Variants in PCDHA8 observed in about 807,000 individuals in gnomAD.
PCDHA8 encodes protocadherin alpha-8.
A neutral mutation model predicts 61.8 loss-of-function variants in PCDHA8; 53 were observed. The observed-to-expected ratio is 0.86, with a 90% CI of 0.69 to 1.08. PCDHA8 has a LOEUF of 1.08. Ranked by LOEUF, PCDHA8 falls within the 50% of genes least tolerant of loss-of-function variation. The probability of loss-of-function intolerance (pLI) is 0.00; values close to 1 mark genes in which losing one functional copy is unlikely to be tolerated. For synonymous variants in PCDHA8, 618 were observed against 556.6 expected (o/e 1.11, Z -1.55); for missense variants, 1,293 against 1,245.0 (o/e 1.04, Z -0.58).
intron 1 of PCDHA8, chr5:140,854,190 A>T: frequency 1.5e-6 from 1 of 648,854 alleles, no homozygotes; most frequent in Non-Finnish European, 1.9e-6. Flanking sequence ...TAGTTTAACT[A>T]CTCCCTACTT....
At chr5:140,884,509 T>C (rs781917095) in intron 1 of PCDHA8, 3 of 1,612,704 alleles carry the variant, frequency 1.9e-6, no homozygotes, top group Non-Finnish European at 1.7e-6. Flanking sequence ...CGGCAGGGAG[T>C]TGGTCGTACT....
intron 3 of PCDHA8, among the ~76,000 whole-genome samples, chr5:140,984,059 C>A (rs1269975627): frequency 6.6e-6 from 1 of 152,108 alleles, no homozygotes; most frequent in East Asian, 1.9e-4. Flanking sequence ...CAAATCTGTA[C>A]CCTCAGTGCC....
At position 140,849,753 on chromosome 5, in the gene PCDHA8, G is replaced by A. The variant is rs1294538786; in HGVS notation, c.2394+6038G>A. 17 of 1,598,282 alleles carry A rather than the reference G, an allele frequency of 1.1e-5. 1 individual carries two copies. Among genetic ancestry groups the A allele is most frequent in the Non-Finnish European group, 1.4e-5 (16 of 1,167,970 alleles). ...AGCTCTGGACCGCGAGAGTGTGTCC[G>A]CCTACGAGCTGGTGGTTACCGCGCG... On this transcript the variant is annotated intron_variant, in intron 1 of 3. Coordinates refer to ENST00000531613, the MANE Select transcript of PCDHA8 (RefSeq NM_018911.3).
intron 1 of PCDHA8, among the ~76,000 whole-genome samples, chr5:140,914,884 CCTG>C (rs2153531970): frequency 6.6e-6 from 1 of 151,782 alleles, no homozygotes; most frequent in East Asian, 1.9e-4. Flanking sequence ...ACTGTATCCT[CCTG>C]CTTTTAACTT....
chr5:140,980,275 C>G (rs1288435032), intron 2 of PCDHA8, among the ~76,000 whole-genome samples: 1 of 152,196 alleles, frequency 6.6e-6, no homozygotes. Flanking sequence ...AGTACCAACT[C>G]TTGAAAAGTA....
intron 1 of PCDHA8, among the ~76,000 whole-genome samples, chr5:140,910,320 A>G (rs1362740704): frequency 1.3e-5 from 2 of 152,212 alleles, no homozygotes; most frequent in African/African-American, 4.8e-5. Flanking sequence ...CATGAGTCAG[A>G]CTATTGTGAT....
At chr5:140,857,208 C>G (rs1554149670) in intron 1 of PCDHA8, 4 of 1,598,578 alleles carry the variant, frequency 2.5e-6, no homozygotes, top group Non-Finnish European at 3.4e-6. Flanking sequence ...GTCACCTGCT[C>G]TCTGACGCCT....
chr5:140,851,937 T>A, intron 1 of PCDHA8: 1 of 965,138 alleles, frequency 1.0e-6, no homozygotes, highest in Non-Finnish European at 1.3e-6. Context: ...TGAATTGTAG[T>A]ATGTGACTTT....
At chr5:140,973,628 T>G (rs1005772685) in intron 1 of PCDHA8, among the ~76,000 whole-genome samples, 13 of 152,250 alleles carry the variant, frequency 8.5e-5, no homozygotes, top group Admixed American at 2.6e-4. Context: ...TTCTGTATCT[T>G]GTACACATTC....
Position 140,856,641 on chromosome 5 carries a change from T to G in PCDHA8, c.2394+12926T>G, listed in dbSNP as rs1554148950. On this transcript the variant is annotated intron_variant, in intron 1 of 3. Coordinates refer to ENST00000531613, the MANE Select transcript of PCDHA8 (RefSeq NM_018911.3). ...TTCCCAGTGCTTGTTCTGCGGAAGC[T>G]GCTGGATCGTGAAGAAAATCCTCAG... 4.4e-6 allele frequency: 7 copies of G among 1,598,334 alleles called. 1 individual carries two copies. The highest frequency in any genetic ancestry group is 5.1e-6 in the Non-Finnish European group (6 of 1,167,764).
intron 1 of PCDHA8, chr5:140,870,821 G>T: frequency 1.9e-6 from 3 of 1,613,736 alleles, no homozygotes; most frequent in South Asian, 1.1e-5. Context: ...GGCAGCGCGG[G>T]AGGCGCAGTT....
chr5:140,993,449 C>T (rs2097557237), intron 3 of PCDHA8, among the ~76,000 whole-genome samples: 1 of 144,318 alleles, frequency 6.9e-6, no homozygotes, highest in Non-Finnish European at 1.5e-5. Context: ...TTCCTGTTCT[C>T]CTTCTTTCTT....
intron 1 of PCDHA8, among the ~76,000 whole-genome samples, chr5:140,886,602 C>T (rs1167539535): frequency 6.6e-6 from 1 of 151,756 alleles, no homozygotes; most frequent in Non-Finnish European, 1.5e-5. Flanking sequence ...CCAAGGTGGG[C>T]GGATCAGGAG....
intron 1 of PCDHA8, chr5:140,968,106 C>A: frequency 6.2e-7 from 1 of 1,614,134 alleles, no homozygotes; most frequent in Non-Finnish European, 8.5e-7. Flanking sequence ...GGGGGAATAC[C>A]GCAGCTCACA....
At chr5:140,904,154 C>T (rs1163595423) in intron 1 of PCDHA8, among the ~76,000 whole-genome samples, 1 of 152,060 alleles carries the variant, frequency 6.6e-6, no homozygotes, top group Non-Finnish European at 1.5e-5. Flanking sequence ...ACATTGCACC[C>T]AGTTTGTAGT....
At chr5:140,875,242 T>A in intron 1 of PCDHA8, 1 of 943,028 alleles carries the variant, frequency 1.1e-6, no homozygotes, top group Non-Finnish European at 1.5e-6. Flanking sequence ...TGTACTTACA[T>A]AATCAGTCAC....
At chr5:140,891,801 C>T (rs2063255606) in intron 1 of PCDHA8, among the ~76,000 whole-genome samples, 1 of 152,056 alleles carries the variant, frequency 6.6e-6, no homozygotes, top group Non-Finnish European at 1.5e-5. Context: ...AGGGATCTGC[C>T]CTCATGAATA....
intron 1 of PCDHA8, among the ~76,000 whole-genome samples, chr5:140,899,690 C>T (rs1340913543): frequency 6.6e-6 from 1 of 152,156 alleles, no homozygotes; most frequent in Non-Finnish European, 1.5e-5. Flanking sequence ...TGATGCTGGC[C>T]TCATAAAATG....
Position 140,843,574 on chromosome 5 carries a change from G to T in PCDHA8, c.2253G>T (p.Ser751=), listed in dbSNP as rs2150362915. The change falls in exon 1 of 4, where the codon TCG becomes TCT. Residue 751 remains serine, a synonymous_variant. Transcript: ENST00000531613. ...GTGCGGTGGGGAGCTGGTCATACTC[G>T]CAACAACAGCCGCAGAGGGTGTGCT... The part of the protein sequence containing the change: ...CSSAVGSWSY[S]QQQPQRVCSG... 67 of 1,595,908 alleles carry T rather than the reference G, an allele frequency of 4.2e-5. 3 individuals are homozygous for T. The East Asian group carries it at 1.4e-3, about 34-fold the overall frequency.
Sources: gnomAD v4.1 joint callset for allele counts (sites outside exome capture counted in the v4.1 genomes callset) on GRCh38, gnomAD v4.1.1 for gene constraint, MANE v1.5 for transcripts, NCBI Gene and HGNC (gene_info 2026-07-23, HGNC 2026-07-21) for gene names.